The following LARP4B variants were observed in gnomAD, a reference collection of about 807,000 sequenced individuals.
The protein encoded by LARP4B is La ribonucleoprotein 4B, also known as la-related protein 4B.
LARP4B carries 12 observed loss-of-function variants against 89.8 expected under a neutral mutation model. The ratio of observed to expected loss-of-function variants is 0.13; its 90% CI spans 0.09 to 0.22. The LOEUF (loss-of-function observed/expected upper bound fraction) is 0.22, where lower values mean the gene tolerates loss of function less well. Among genes scored for constraint, LARP4B ranks in the 10% least tolerant of loss-of-function variants. LARP4B has a pLI of 1.00. For synonymous variants in LARP4B, 367 were observed against 363.3 expected, an observed-to-expected ratio of 1.01 and a Z score of -0.12; for missense variants, 757 against 947.7, an observed-to-expected ratio of 0.80 and a Z score of 2.64.
At chr10:940,336 C>T in the LARP4B span, among the ~76,000 whole-genome samples, 7 of 151,950 alleles carry the variant, frequency 4.6e-5, no homozygotes, top group African/African-American at 1.4e-4. Flanking sequence ...ATATTTTTAG[C>T]AGAGATGAGG....
chr10:923,992 G>A (rs1428870662), intron 1 of LARP4B, among the ~76,000 whole-genome samples: 2 of 152,142 alleles, frequency 1.3e-5, no homozygotes, highest in Admixed American at 6.6e-5. Context: ...GCTCACATCT[G>A]TAATCCCAAC....
intron 1 of LARP4B, among the ~76,000 whole-genome samples, chr10:893,011 G>A (rs184090897): frequency 1.7e-4 from 26 of 150,290 alleles, no homozygotes; most frequent in African/African-American, 5.4e-4. Context: ...CCCGGGCTCA[G>A]GCAATTCTCA....
At chr10:813,970 T>A (rs1046786877) in intron 17 of LARP4B, among the ~76,000 whole-genome samples, 3 of 151,886 alleles carry the variant, frequency 2.0e-5, no homozygotes, top group Non-Finnish European at 2.9e-5. Flanking sequence ...CCCAGCTAAT[T>A]TTTTGTATTT....
At chr10:969,237 C>A in the LARP4B span, among the ~76,000 whole-genome samples, 1 of 152,156 alleles carries the variant, frequency 6.6e-6, no homozygotes, top group African/African-American at 2.4e-5. Flanking sequence ...GCAGTGACAA[C>A]CTGTATTGTG....
At chr10:818,467 T>G (rs569674698) in intron 14 of LARP4B, 1 of 152,382 alleles carries the variant, frequency 6.6e-6, no homozygotes, top group South Asian at 2.1e-4. Context: ...AAAGTTTATA[T>G]TTTTAAATAA....
At chr10:847,989 C>T (rs990558317) in intron 5 of LARP4B, among the ~76,000 whole-genome samples, 6 of 152,190 alleles carry the variant, frequency 3.9e-5, no homozygotes, top group Non-Finnish European at 8.8e-5. Context: ...TTGCATAGGC[C>T]AGACAGCAGG....
Position 811,248 on chromosome 10 carries a change from G to A in LARP4B, c.*1678C>T, listed in dbSNP as rs776645064. The A allele has an allele frequency of 6.6e-5, 10 of 152,498 alleles. No homozygotes were observed. Among genetic ancestry groups the A allele is most frequent in the Non-Finnish European group, 1.0e-4 (7 of 68,032 alleles). The allele number at this position is 152,498 out of a possible 1,614,324, so 9.4% of individuals were successfully genotyped here. A position where few individuals can be genotyped will look rare whatever the true frequency, so the allele number is the denominator to read the frequency against. On this transcript the variant is annotated 3_prime_UTR_variant, in exon 18 of 18. Coordinates refer to ENST00000316157, the MANE Select transcript of LARP4B (RefSeq NM_015155.3). ...ACAACATTTAGTTTATCTACATCCC[G>A]CTCAACAGCAACATTTATAATATAT... is the stretch of plus-strand genomic sequence containing the variant.
At chr10:837,501 C>T (rs1174985729) in intron 7 of LARP4B, among the ~76,000 whole-genome samples, 1 of 152,184 alleles carries the variant, frequency 6.6e-6, no homozygotes, top group Non-Finnish European at 1.5e-5. Context: ...AAATGCAAAA[C>T]ATTTACAAGG....
intron 7 of LARP4B, among the ~76,000 whole-genome samples, chr10:839,108 G>A (rs185927480): frequency 1.3e-5 from 2 of 152,334 alleles, no homozygotes; most frequent in East Asian, 3.9e-4. Context: ...GTGACTGGGG[G>A]AGGCAGGGAT....
chr10:875,431 C>T (rs964848658), intron 3 of LARP4B, among the ~76,000 whole-genome samples: 1 of 152,162 alleles, frequency 6.6e-6, no homozygotes, highest in Non-Finnish European at 1.5e-5. Flanking sequence ...ACCATTCCCC[C>T]GACCTCTTCT....
intron 3 of LARP4B, among the ~76,000 whole-genome samples, chr10:865,715 A>G (rs1290406410): frequency 6.6e-6 from 1 of 152,218 alleles, no homozygotes; most frequent in African/African-American, 2.4e-5. Flanking sequence ...CCCAAAGCCT[A>G]AAGAAAAGTC....
intron 5 of LARP4B, among the ~76,000 whole-genome samples, chr10:849,686 T>A (rs1833946855): frequency 6.6e-6 from 1 of 152,124 alleles, no homozygotes; most frequent in Admixed American, 6.5e-5. Flanking sequence ...GGTAACTTCA[T>A]AGTGAGAAAC....
At chr10:892,430 A>G (rs1178540283) in intron 1 of LARP4B, among the ~76,000 whole-genome samples, 4 of 152,352 alleles carry the variant, frequency 2.6e-5, no homozygotes, top group African/African-American at 9.6e-5. Context: ...ATGATTAAAC[A>G]GTTATTATGG....
chr10:807,907 C>CA (rs1298307417), downstream of LARP4B: 1 of 152,326 alleles, frequency 6.6e-6, no homozygotes, highest in Non-Finnish European at 1.5e-5. Context: ...AGCAGACCAG[C>CA]AGTTGACTTG....
At chr10:898,964 A>G (rs1836261043) in intron 1 of LARP4B, among the ~76,000 whole-genome samples, 1 of 152,220 alleles carries the variant, frequency 6.6e-6, no homozygotes, top group South Asian at 2.1e-4. Context: ...TGAATGTCAC[A>G]TCGTAACATG....
intron 13 of LARP4B, among the ~76,000 whole-genome samples, chr10:821,455 C>A (rs1255134816): frequency 6.6e-6 from 1 of 152,220 alleles, no homozygotes; most frequent in Non-Finnish European, 1.5e-5. Context: ...CCACGCCACA[C>A]ACGCAGTTGA....
chr10:931,091 G>C (rs1307012933), intron 1 of LARP4B, among the ~76,000 whole-genome samples: 6 of 150,188 alleles, frequency 4.0e-5, no homozygotes, highest in African/African-American at 1.5e-4. Flanking sequence ...TCGCCTCAAC[G>C]GGTCCTCCTA....
At chr10:872,863 T>C (rs1236198951) in intron 3 of LARP4B, 2 of 174,362 alleles carry the variant, frequency 1.1e-5, no homozygotes, top group East Asian at 3.8e-4. Flanking sequence ...TTGTTGAGAA[T>C]GTATATATAA....
At chr10:877,121 C>T (rs987931572) in intron 3 of LARP4B, among the ~76,000 whole-genome samples, 2 of 152,184 alleles carry the variant, frequency 1.3e-5, no homozygotes, top group Non-Finnish European at 2.9e-5. Flanking sequence ...ACCCTTCTGC[C>T]CTCCTAGAGG....
Sources: allele counts gnomAD v4.1 joint callset (sites outside exome capture counted in the v4.1 genomes callset), GRCh38; gene constraint gnomAD v4.1.1; transcripts MANE v1.5; gene names NCBI Gene and HGNC (gene_info 2026-07-23, HGNC 2026-07-21).